PACS1: variants seen among roughly 807,000 people sequenced by gnomAD.
PACS1 encodes the protein phosphofurin acidic cluster sorting protein 1.
PACS1 carries 24 observed loss-of-function variants against 115.0 expected under a neutral mutation model. That is an observed-to-expected ratio of 0.21 (90% confidence interval 0.15 to 0.29). The LOEUF (loss-of-function observed/expected upper bound fraction) is 0.29, where lower values mean the gene tolerates loss of function less well. Among genes scored for constraint, PACS1 ranks in the 10% least tolerant of loss-of-function variants. The pLI is 1.00. For missense variants in PACS1, 838 were observed against 1,251.2 expected (o/e 0.67, Z 4.98); for synonymous variants, 453 against 504.5 (o/e 0.90, Z 1.37).
At chr11:66,136,092 C>T (rs145093921) in intron 1 of PACS1, among the ~76,000 whole-genome samples, 2 of 152,124 alleles carry the variant, frequency 1.3e-5, no homozygotes, top group Non-Finnish European at 2.9e-5. Context: ...ATTGGACTGT[C>T]GTAAATGACG....
intron 1 of PACS1, among the ~76,000 whole-genome samples, chr11:66,076,012 C>G (rs558360184): frequency 6.6e-6 from 1 of 152,308 alleles, no homozygotes; most frequent in South Asian, 2.1e-4. Flanking sequence ...GCTGGGATTA[C>G]AGACGTGAGC....
chr11:66,196,173 C>T (rs960866232), intron 2 of PACS1, among the ~76,000 whole-genome samples: 6 of 152,162 alleles, frequency 3.9e-5, no homozygotes, highest in African/African-American at 1.4e-4. Context: ...CTGGAATGAG[C>T]TGTTTGTGCC....
intron 1 of PACS1, among the ~76,000 whole-genome samples, chr11:66,096,209 C>CTTTT (rs66569530): frequency 2.1e-3 from 256 of 119,382 alleles, no homozygotes; most frequent in African/African-American, 3.0e-3. Flanking sequence ...CTTTTTCTTT[C>CTTTT]TTTTTTTTTT....
Position 66,233,809 on chromosome 11 carries a change from G to A in PACS1, c.1863G>A (p.Pro621=), listed in dbSNP as rs149684138. The A allele has an allele frequency of 1.9e-5, 31 of 1,613,740 alleles. No individual in the cohort carries two copies. In the East Asian group the frequency reaches 2.2e-4, roughly 12 times the overall value. Residue 621 remains proline, a synonymous_variant, in exon 16 of 24, where the codon CCG becomes CCA. Transcript: ENST00000320580. This position sits in a 1 kb window ranked among gnomAD's most constrained non-coding sequence, Gnocchi z 4.5. The stretch of plus-strand genomic sequence containing the variant: ...GCTGCAACTGCAACTCTTCCATGCC[G>A]AGGCCAGTGAAGGTGGCTGCTGTGG... The part of the protein sequence containing the change: ...QRYCNCNSSM[P]RPVKVAAVGG...
chr11:66,238,141 G>A, intron 19 of PACS1: 1 of 984,614 alleles, frequency 1.0e-6, no homozygotes, highest in Non-Finnish European at 1.2e-6. Flanking sequence ...AATTCTCTAT[G>A]GAGAATTGAA....
intron 1 of PACS1, chr11:66,100,651 T>A (rs1020556531): frequency 2.8e-6 from 1 of 355,570 alleles, no homozygotes; most frequent in Non-Finnish European, 5.6e-6. Context: ...CAAACTGCAC[T>A]TTGGGCAGAG....
At chr11:66,232,343 G>A (rs907206819) in intron 14 of PACS1, 67 bp downstream of exon 14, 3 of 906,058 alleles carry the variant, frequency 3.3e-6, no homozygotes, top group Non-Finnish European at 5.4e-6. Flanking sequence ...TGCATTGTCA[G>A]TGTGGCCTCC....
At chr11:66,103,923 C>T (rs1322752646) in intron 1 of PACS1, among the ~76,000 whole-genome samples, 1 of 151,956 alleles carries the variant, frequency 6.6e-6, no homozygotes, top group Non-Finnish European at 1.5e-5. Flanking sequence ...TATCTGTGCC[C>T]CCATCCCCTC....
intron 1 of PACS1, among the ~76,000 whole-genome samples, chr11:66,071,701 A>G (rs944847489): frequency 8.5e-5 from 13 of 152,184 alleles, no homozygotes; most frequent in Non-Finnish European, 1.2e-4. Context: ...AGCCCAGAGA[A>G]GTGCCTGGAG....
chr11:66,194,083 C>G (rs997378904), intron 2 of PACS1, among the ~76,000 whole-genome samples: 1 of 152,224 alleles, frequency 6.6e-6, no homozygotes, highest in African/African-American at 2.4e-5. Flanking sequence ...CCTGCCTCAG[C>G]CTCCCTTGTA....
At chr11:66,172,346 CA>C (rs1859759420) in intron 1 of PACS1, among the ~76,000 whole-genome samples, 2 of 152,174 alleles carry the variant, frequency 1.3e-5, no homozygotes, top group Non-Finnish European at 2.9e-5. Flanking sequence ...AACGTTGCAG[CA>C]GTGATGGAGC....
At chr11:66,119,366 T>C (rs969255755) in intron 1 of PACS1, among the ~76,000 whole-genome samples, 1 of 152,254 alleles carries the variant, frequency 6.6e-6, no homozygotes, top group Non-Finnish European at 1.5e-5. Context: ...CTGTGGCTGC[T>C]TTCTCCCTAC....
rs79265330 is a variant in PACS1 at position 66,216,114 on chromosome 11, C to G, written c.661-5C>G. 4.7e-4 allele frequency: 756 copies of G among 1,613,732 alleles called. 5 individuals carry two copies. The African/African-American group carries it at 9.2e-3, about 20-fold the overall frequency. The stretch of plus-strand genomic sequence containing the variant: ...CACGCCTCCACCACCTCCCCTGGCT[C>G]CTAGGTGATGCAGCATCCTAATGAA... On this transcript the variant is annotated splice_polypyrimidine_tract_variant and splice_region_variant and intron_variant, in intron 4 of 23. Transcript: ENST00000320580.
chr11:66,172,183 G>T (rs1361614006), intron 1 of PACS1, among the ~76,000 whole-genome samples: 1 of 151,954 alleles, frequency 6.6e-6, no homozygotes, highest in Non-Finnish European at 1.5e-5. Flanking sequence ...TTCTATCCTT[G>T]ATCTTCTTTC....
At chr11:66,100,551 A>G (rs1376698875) in intron 1 of PACS1, among the ~76,000 whole-genome samples, 1 of 152,252 alleles carries the variant, frequency 6.6e-6, no homozygotes, top group African/African-American at 2.4e-5. Context: ...CTGCAAAATC[A>G]TAAGTAGTAT....
chr11:66,212,600 T>C (rs1855102054), intron 4 of PACS1, among the ~76,000 whole-genome samples: 1 of 152,112 alleles, frequency 6.6e-6, no homozygotes, highest in Non-Finnish European at 1.5e-5. Flanking sequence ...ACATGGAGTC[T>C]GCAGGGTTTT....
intron 2 of PACS1, among the ~76,000 whole-genome samples, chr11:66,196,873 C>G (rs997322779): frequency 6.6e-6 from 1 of 152,138 alleles, no homozygotes; most frequent in Non-Finnish European, 1.5e-5. Context: ...GCTGGGATTA[C>G]AGGCATGAGC....
chr11:66,210,351 C>T lies in PACS1; in HGVS notation c.445-11C>T, dbSNP rs778023474. 6.2e-7 allele frequency: 1 copy of T among 1,611,208 alleles called. No individual in the cohort carries two copies. Among genetic ancestry groups the T allele is most frequent in the Non-Finnish European group, 8.5e-7 (1 of 1,177,374 alleles). On this transcript the variant is annotated splice_polypyrimidine_tract_variant and intron_variant, in intron 2 of 23. Coordinates refer to ENST00000320580, the MANE Select transcript of PACS1 (RefSeq NM_018026.4). ...GCACCTGGCCAAACAGACTTTTCTT[C>T]TTGGTTTCAGGGTTCAAAAAGAATT... is the stretch of plus-strand genomic sequence containing the variant.
At chr11:66,193,100 A>T (rs1040082875) in intron 1 of PACS1, among the ~76,000 whole-genome samples, 5 of 152,190 alleles carry the variant, frequency 3.3e-5, no homozygotes, top group Admixed American at 6.5e-5. Context: ...AATGGCTCCA[A>T]CATACTAGGC....
Sources: gnomAD v4.1 joint callset for allele counts (sites outside exome capture counted in the v4.1 genomes callset) on GRCh38, gnomAD v4.1.1 for gene constraint, Gnocchi (gnomAD v3.1) non-coding constraint, MANE v1.5 for transcripts, NCBI Gene and HGNC (gene_info 2026-07-23, HGNC 2026-07-21) for gene names.